Variants in CFDP1 observed in about 807,000 individuals in gnomAD.
CFDP1 encodes the protein heterochromatin-stabilizing protein CFDP1.
CFDP1 carries 31 observed loss-of-function variants against 40.1 expected under a neutral mutation model. The observed-to-expected ratio is 0.77, with a 90% CI of 0.58 to 1.04. The LOEUF (loss-of-function observed/expected upper bound fraction) is 1.04. Among genes scored for constraint, CFDP1 ranks in the 50% least tolerant of loss-of-function variants. The probability of loss-of-function intolerance (pLI) is 0.00; values close to 1 mark genes in which losing one functional copy is unlikely to be tolerated. For synonymous variants in CFDP1, 167 were observed against 120.0 expected, an observed-to-expected ratio of 1.39 and a Z score of -2.56; for missense variants, 423 against 343.4, an observed-to-expected ratio of 1.23 and a Z score of -1.83.
At chr16:75,409,524 T>A (rs893955120) in intron 4 of CFDP1, 4 of 152,206 alleles carry the variant, frequency 2.6e-5, no homozygotes, top group African/African-American at 4.8e-5. Flanking sequence ...TTTATTGTGT[T>A]TTTAGAAAAG....
intron 5 of CFDP1, among the ~76,000 whole-genome samples, chr16:75,386,554 G>A (rs1369839912): frequency 6.6e-6 from 1 of 152,110 alleles, no homozygotes; most frequent in East Asian, 1.9e-4. Flanking sequence ...GTGAAACCCT[G>A]TCTCTACTAA....
At chr16:75,394,889 G>C (rs2078983412) in intron 5 of CFDP1, 1 of 566,886 alleles carries the variant, frequency 1.8e-6, no homozygotes, top group Non-Finnish European at 2.9e-6. Context: ...ACAAACTCCT[G>C]GGTTCAAGCA....
chr16:75,405,171 T>C (rs2079087675), intron 4 of CFDP1, among the ~76,000 whole-genome samples: 1 of 152,188 alleles, frequency 6.6e-6, no homozygotes, highest in South Asian at 2.1e-4. Context: ...GTGAGTCACA[T>C]GTGATATGAA....
intron 5 of CFDP1, among the ~76,000 whole-genome samples, chr16:75,330,780 A>G (rs1195931468): frequency 6.6e-6 from 1 of 152,172 alleles, no homozygotes; most frequent in African/African-American, 2.4e-5. Context: ...TATGCTAAGT[A>G]GACTATAAAG....
intron 5 of CFDP1, among the ~76,000 whole-genome samples, chr16:75,361,945 A>G (rs1351102407): frequency 2.0e-5 from 3 of 152,178 alleles, no homozygotes; most frequent in Non-Finnish European, 4.4e-5. Context: ...TGGCCTCAGG[A>G]AAACAAGCAA....
At chr16:75,423,302 A>G (rs2079300520) in intron 1 of CFDP1, among the ~76,000 whole-genome samples, 2 of 141,638 alleles carry the variant, frequency 1.4e-5, no homozygotes, top group South Asian at 4.5e-4. Flanking sequence ...AAAAAAAATT[A>G]GATGGGCATG....
chr16:75,373,477 G>A (rs150647432), intron 5 of CFDP1, among the ~76,000 whole-genome samples: 15 of 152,150 alleles, frequency 9.9e-5, no homozygotes, highest in African/African-American at 3.4e-4. Flanking sequence ...TATAAATGTC[G>A]CTAAGATAAG....
intron 1 of CFDP1, among the ~76,000 whole-genome samples, chr16:75,430,385 G>T (rs1032705188): frequency 3.3e-5 from 5 of 152,022 alleles, no homozygotes; most frequent in African/African-American, 1.2e-4. Context: ...TGGCCAGACT[G>T]GTCTCCAACT....
intron 4 of CFDP1, among the ~76,000 whole-genome samples, chr16:75,411,078 C>A (rs1003628403): frequency 6.6e-6 from 1 of 151,892 alleles, no homozygotes; most frequent in Non-Finnish European, 1.5e-5. Context: ...AATAACAGGG[C>A]ATGGTTGCAC....
intron 5 of CFDP1, among the ~76,000 whole-genome samples, chr16:75,381,591 A>G (rs142748321): frequency 0.013 from 1,915 of 152,304 alleles, 18 homozygotes; most frequent in Admixed American, 0.016. Flanking sequence ...GCAGATGAGA[A>G]CACTAGACTG....
intron 5 of CFDP1, 193 bp downstream of exon 5, chr16:75,394,897 G>A: frequency 1.6e-6 from 1 of 620,132 alleles, no homozygotes; most frequent in Non-Finnish European, 2.6e-6. Context: ...CTGGGTTCAA[G>A]CAATCCTCCT....
rs754777601 is a variant in CFDP1, at chr16:75,412,563, G to A, written c.374C>T (p.Ser125Leu). 4 of 1,613,960 alleles carry A rather than the reference G, an allele frequency of 2.5e-6. No individual in the cohort carries two copies. Among genetic ancestry groups the A allele is most frequent in the Non-Finnish European group, 3.4e-6 (4 of 1,179,978 alleles). Residue 125 changes from serine (S) to leucine (L), a missense_variant, in exon 3 of 7, where the codon TCA (serine) becomes TTA (leucine). Coordinates refer to ENST00000283882, the MANE Select transcript of CFDP1 (RefSeq NM_006324.3). ...ASFLNDVGPK[S>L]KVPPSTQVKK... ...AACTTGTGTACTTGGGGGCACTTTT[G>A]ATTTTGGTCCCACATCATTGAGGAA...
At chr16:75,374,603 T>C (rs1216444799) in intron 5 of CFDP1, among the ~76,000 whole-genome samples, 1 of 151,382 alleles carries the variant, frequency 6.6e-6, no homozygotes, top group Non-Finnish European at 1.5e-5. Context: ...GATCAGTTGA[T>C]CCCCGGAGTT....
At chr16:75,370,653 A>G (rs2078745046) in intron 5 of CFDP1, among the ~76,000 whole-genome samples, 2 of 152,118 alleles carry the variant, frequency 1.3e-5, no homozygotes, top group South Asian at 4.2e-4. Flanking sequence ...ACCTGAGGTC[A>G]GGAGTTCCAG....
At chr16:75,346,172 G>A (rs983192847) in intron 5 of CFDP1, among the ~76,000 whole-genome samples, 2 of 152,196 alleles carry the variant, frequency 1.3e-5, no homozygotes, top group African/African-American at 2.4e-5. Context: ...CAGAAAGGTG[G>A]TGAGATTGTG....
chr16:75,411,144 G>A (rs974797667), intron 4 of CFDP1, among the ~76,000 whole-genome samples: 7 of 152,020 alleles, frequency 4.6e-5, no homozygotes, highest in Admixed American at 6.6e-5. Flanking sequence ...CTTGAACCTG[G>A]GAGGTGGAGG....
intron 4 of CFDP1, among the ~76,000 whole-genome samples, chr16:75,401,183 C>T (rs1331676997): frequency 6.6e-6 from 1 of 152,066 alleles, no homozygotes; most frequent in Non-Finnish European, 1.5e-5. Context: ...AATCCCAGCA[C>T]TTTGGGAGGC....
At chr16:75,320,905 A>T (rs2078358538) in intron 5 of CFDP1, among the ~76,000 whole-genome samples, 1 of 152,174 alleles carries the variant, frequency 6.6e-6, no homozygotes, top group African/African-American at 2.4e-5. Context: ...CCCAAATATA[A>T]GCTACTAAAT....
At chr16:75,340,643 T>C (rs1338350260) in intron 5 of CFDP1, among the ~76,000 whole-genome samples, 2 of 152,250 alleles carry the variant, frequency 1.3e-5, no homozygotes, top group Non-Finnish European at 2.9e-5. Context: ...ACGAAATTTC[T>C]TTCTGCAAGT....
Sources: gnomAD v4.1 joint callset for allele counts (sites outside exome capture counted in the v4.1 genomes callset) on GRCh38, gnomAD v4.1.1 for gene constraint, MANE v1.5 for transcripts, NCBI Gene and HGNC (gene_info 2026-07-23, HGNC 2026-07-21) for gene names.